The following BCAP29 variants were observed in gnomAD, a reference collection of about 807,000 sequenced individuals.
The protein encoded by BCAP29 is B cell receptor associated protein 29.
BCAP29 carries 34 observed loss-of-function variants against 31.8 expected under a neutral mutation model. That is an observed-to-expected ratio of 1.07 (90% confidence interval 0.81 to 1.42). The LOEUF (loss-of-function observed/expected upper bound fraction) is 1.42. Ranked by LOEUF, BCAP29 falls within the 40% of genes most tolerant of loss-of-function variation. The pLI is 0.00. For synonymous variants in BCAP29, 104 were observed against 91.3 expected (o/e 1.14, Z -0.79); for missense variants, 314 against 269.2 (o/e 1.17, Z -1.16).
At position 107,594,037 on chromosome 7, in the gene BCAP29, C is replaced by T. The variant is rs1190623119; in HGVS notation, c.276C>T (p.His92=). The change falls in exon 4 of 8, where the codon CAC becomes CAT. Residue 92 remains histidine (H), a synonymous_variant. Transcript: ENST00000005259. ...CCAGCAGACCTGATGCCTATGAACA[C>T]ACACAGATGAAACTTTTTAGGTCTC... ...SSTSRPDAYE[H]TQMKLFRSQR... is the part of the protein sequence containing the mutation. 26 of 1,613,692 alleles carry T rather than the reference C, an allele frequency of 1.6e-5. No homozygotes were observed. Among genetic ancestry groups the T allele is most frequent in the African/African-American group, 2.7e-5 (2 of 74,924 alleles).
rs1010084918 is a variant in BCAP29, at chr7:107,618,581, G to A, written c.*218G>A. 6.3e-7 allele frequency: 1 copy of A among 1,590,196 alleles called. No individual in the cohort carries two copies. The highest frequency in any genetic ancestry group is 1.1e-5 in the South Asian group (1 of 89,420). ...CAGCTCTTAAGAAAAATATAAGCAT[G>A]TTAAATACCATATTTACATATTGAT... On this transcript the variant is annotated 3_prime_UTR_variant, in exon 8 of 8. Transcript: ENST00000005259.
intron 7 of BCAP29, among the ~76,000 whole-genome samples, chr7:107,617,471 TA>T (rs970032176): frequency 7.3e-5 from 11 of 150,838 alleles, no homozygotes; most frequent in Non-Finnish European, 1.3e-4. Flanking sequence ...GCCTCTCTTC[TA>T]AAAAAAAAGA....
chr7:107,589,349 G>A (rs935732021), intron 3 of BCAP29, among the ~76,000 whole-genome samples: 1 of 152,180 alleles, frequency 6.6e-6, no homozygotes, highest in Non-Finnish European at 1.5e-5. Flanking sequence ...ATCACTGGGA[G>A]CCCTGAGCTT....
Position 107,618,389 on chromosome 7 carries a change from A to G in BCAP29, c.*26A>G, listed in dbSNP as rs1234582795. The G allele has an allele frequency of 1.9e-6, 3 of 1,611,718 alleles. No homozygotes were observed. Among genetic ancestry groups the G allele is most frequent in the Non-Finnish European group, 2.5e-6 (3 of 1,178,194 alleles). ...ACTTTATAAAAGACACTTGCAATAT[A>G]CTGTGTCAAAATGATAATTTTGTTA... On this transcript the variant is annotated 3_prime_UTR_variant, in exon 8 of 8. Coordinates refer to ENST00000005259, the MANE Select transcript of BCAP29 (RefSeq NM_018844.4).
chr7:107,597,966 T>C (rs540621181), intron 5 of BCAP29, among the ~76,000 whole-genome samples: 1 of 152,308 alleles, frequency 6.6e-6, no homozygotes, highest in Admixed American at 6.5e-5. Flanking sequence ...ATAATTTGGA[T>C]TAGACAGTGA....
downstream of BCAP29, chr7:107,623,173 A>G (rs151316901): frequency 2.4e-4 from 36 of 152,308 alleles, no homozygotes; most frequent in African/African-American, 8.4e-4. Flanking sequence ...ATTGCTGTGA[A>G]TGACACCAGC....
At chr7:107,618,299 C>A in intron 7 of BCAP29, 29 bp from the exon 8 acceptor site, 1 of 1,498,486 alleles carries the variant, frequency 6.7e-7, no homozygotes, top group Non-Finnish European at 9.0e-7. Flanking sequence ...CTTTGCTGTA[C>A]TACATAAATC....
chr7:107,616,282 A>C (rs1180132240), intron 7 of BCAP29: 1 of 152,350 alleles, frequency 6.6e-6, no homozygotes, highest in African/African-American at 2.4e-5. Flanking sequence ...CAGCTTCTAC[A>C]TACTGGCCTT....
At chr7:107,589,140 C>T (rs950321899) in intron 3 of BCAP29, among the ~76,000 whole-genome samples, 2 of 152,184 alleles carry the variant, frequency 1.3e-5, no homozygotes, top group Non-Finnish European at 2.9e-5. Flanking sequence ...CCTCTCTAAA[C>T]AGCTGTAAAC....
At chr7:107,586,114 C>CTTGGAACTG (rs1807640314) in intron 3 of BCAP29, among the ~76,000 whole-genome samples, 1 of 152,180 alleles carries the variant, frequency 6.6e-6, no homozygotes, top group South Asian at 2.1e-4. Flanking sequence ...GGGATTAGTA[C>CTTGGAACTG]TTGGAACTGA....
intron 3 of BCAP29, chr7:107,587,661 CTACTT>C (rs1196967445): frequency 1.3e-5 from 2 of 151,924 alleles, no homozygotes; most frequent in Non-Finnish European, 2.9e-5. Flanking sequence ...ATTTAAGAGA[CTACTT>C]TATATAACTA....
At chr7:107,603,398 G>C (rs1040571974) in intron 6 of BCAP29, 2 of 151,924 alleles carry the variant, frequency 1.3e-5, no homozygotes, top group African/African-American at 4.8e-5. Flanking sequence ...ATTCTTTTAG[G>C]AGCAGGAATA....
intron 7 of BCAP29, chr7:107,616,275 C>G (rs1814123055): frequency 6.6e-6 from 1 of 152,378 alleles, no homozygotes; most frequent in Non-Finnish European, 1.5e-5. Context: ...CACTGGGCAG[C>G]TTCTACATAC....
In BCAP29 at chr7:107,593,943, G is replaced by T. The variant is rs1375073631; in HGVS notation, c.194-12G>T. The T allele has an allele frequency of 3.2e-6, 5 of 1,583,524 alleles. No individual in the cohort carries two copies. The highest frequency in any genetic ancestry group is 4.3e-6 in the Non-Finnish European group (5 of 1,170,330). Reference sequence around the variant, plus strand: ...AAAGCCAAAAGTACTGTTTTCTTTTGTTCTGTAATAGATGCTGTGAGAGAA... The same window carrying T: ...AAAGCCAAAAGTACTGTTTTCTTTTTTTCTGTAATAGATGCTGTGAGAGAA... On this transcript the variant is annotated splice_polypyrimidine_tract_variant and intron_variant, in intron 3 of 7. Transcript: ENST00000005259.
intron 3 of BCAP29, chr7:107,587,839 A>C (rs1407498635): frequency 6.6e-6 from 1 of 152,086 alleles, no homozygotes; most frequent in African/African-American, 2.4e-5. Context: ...AAAAGCAAAA[A>C]ACCAGATAGT....
chr7:107,613,484 C>G (rs1335077972), intron 7 of BCAP29, 52 bp downstream of exon 7: 9 of 1,414,290 alleles, frequency 6.4e-6, no homozygotes, highest in Non-Finnish European at 6.9e-6. Flanking sequence ...TAGTAATTAC[C>G]TAAGTAAATT....
intron 5 of BCAP29, among the ~76,000 whole-genome samples, chr7:107,597,915 C>G (rs1021634383): frequency 6.6e-6 from 1 of 152,106 alleles, no homozygotes; most frequent in African/African-American, 2.4e-5. Flanking sequence ...TTTACTTTGT[C>G]CTGATTTTTT....
chr7:107,599,214 T>C (rs1372197233), intron 5 of BCAP29, among the ~76,000 whole-genome samples: 1 of 17,260 alleles, frequency 5.8e-5, no homozygotes, highest in Admixed American at 5.5e-4. Context: ...TTTATAAATA[T>C]ATATATACAT....
In BCAP29 at chr7:107,617,349, A is replaced by G. The variant is rs543924609; in HGVS notation, c.691-979A>G. 6.9e-4 allele frequency among the ~76,000 whole-genome samples: 105 copies of G among 152,286 alleles called. No individual in the cohort carries two copies. The Middle Eastern group carries it at 0.01, about 15-fold the overall frequency. On this transcript the variant is annotated intron_variant, in intron 7 of 7. Coordinates refer to ENST00000005259, the MANE Select transcript of BCAP29 (RefSeq NM_018844.4). ...TTACTGTAAATAGATCCCAATTTGC[A>G]TCTTTTAAATCCTTTTGGATTTCCC...
Sources: gnomAD v4.1 joint callset for allele counts (sites outside exome capture counted in the v4.1 genomes callset) on GRCh38, gnomAD v4.1.1 for gene constraint, MANE v1.5 for transcripts, NCBI Gene and HGNC (gene_info 2026-07-23, HGNC 2026-07-21) for gene names.